The following DCDC2 variants were observed in gnomAD, a reference collection of about 807,000 sequenced individuals.
DCDC2 encodes doublecortin domain containing 2, also known as doublecortin domain-containing protein 2.
Under a neutral mutation model 50.2 loss-of-function variants are expected in DCDC2, and 40 were observed. The observed-to-expected ratio is 0.80, with a 90% confidence interval of 0.62 to 1.04. DCDC2 has a LOEUF of 1.04. Among genes scored for constraint, DCDC2 ranks in the 50% least tolerant of loss-of-function variants. DCDC2 has a pLI of 0.00. For synonymous variants in DCDC2, 234 were observed against 210.6 expected, an observed-to-expected ratio of 1.11 and a Z score of -0.96; for missense variants, 570 against 581.9, an observed-to-expected ratio of 0.98 and a Z score of 0.21.
chr6:24,177,091 T>A (rs374933785), intron 9 of DCDC2, among the ~76,000 whole-genome samples: 2 of 152,228 alleles, frequency 1.3e-5, no homozygotes, highest in Non-Finnish European at 2.9e-5. Flanking sequence ...GAATTACACT[T>A]TGATTTCATT....
chr6:24,178,639 G>T lies in DCDC2; in HGVS notation c.1024-7C>A. On this transcript the variant is annotated splice_region_variant and splice_polypyrimidine_tract_variant and intron_variant, in intron 8 of 9. Transcript: ENST00000378454. ...CTACTATTTCTGCTGGCCTCTGATG[G>T]ATCAAAAGGAATAATGGATAAAAGT... The T allele has an allele frequency of 6.2e-7, 1 of 1,607,920 alleles. No individual in the cohort carries two copies. Among genetic ancestry groups the T allele is most frequent in the Non-Finnish European group, 8.5e-7 (1 of 1,178,008 alleles).
intron 7 of DCDC2, among the ~76,000 whole-genome samples, chr6:24,248,618 G>T (rs1474193179): frequency 1.3e-5 from 2 of 152,096 alleles, no homozygotes; most frequent in African/African-American, 4.8e-5. Flanking sequence ...CTTTGGAATA[G>T]TAAGATACTA....
Position 24,278,361 on chromosome 6 carries a change from C to T in DCDC2, c.760-150G>A. 1.5e-5 allele frequency: 9 copies of T among 612,580 alleles called. No homozygotes were observed. The South Asian group carries it at 2.6e-4, about 18-fold the overall frequency. The allele number at this position is 612,580 out of a possible 1,614,324, so 37.9% of individuals were successfully genotyped here. ...GCAACTGTCTATCTTTATACATTAA[C>T]TCCAAATGTATCTTCCTGGAGGCAA... On this transcript the variant is annotated intron_variant, in intron 6 of 9. Coordinates refer to ENST00000378454, the MANE Select transcript of DCDC2 (RefSeq NM_016356.5).
intron 7 of DCDC2, among the ~76,000 whole-genome samples, chr6:24,219,872 T>A (rs1445146655): frequency 6.6e-6 from 1 of 152,022 alleles, no homozygotes; most frequent in Non-Finnish European, 1.5e-5. Flanking sequence ...GGTGAAGGAG[T>A]ACAGAGGGTG....
chr6:24,381,959 A>AG, the DCDC2 span, among the ~76,000 whole-genome samples: 619 of 103,694 alleles, frequency 6.0e-3, 8 homozygotes, highest in African/African-American at 0.018. Context: ...AAGGAAAGAA[A>AG]GAAGGAAGGA....
rs576316458 is a variant in DCDC2, at chr6:24,331,057, T to C, written c.348+22512A>G. Among the ~76,000 whole-genome samples, 3 of 152,174 alleles carry C rather than the reference T, an allele frequency of 2.0e-5. No individual in the cohort carries two copies. In the South Asian group the frequency reaches 6.2e-4, roughly 32 times the overall value. ...ATAAAGATATATATTTGCTTTCTTT[T>C]GTTTCCAGCTCTTCCTGGCATCTTC... is the stretch of plus-strand genomic sequence containing the variant. On this transcript the variant is annotated intron_variant, in intron 2 of 9. Coordinates refer to ENST00000378454, the MANE Select transcript of DCDC2 (RefSeq NM_016356.5).
chr6:24,319,190 G>C (rs1251255568), intron 2 of DCDC2, among the ~76,000 whole-genome samples: 3 of 151,898 alleles, frequency 2.0e-5, no homozygotes, highest in Non-Finnish European at 4.4e-5. Flanking sequence ...CAGTGACGTT[G>C]AGCAGTTTTT....
At chr6:24,269,383 G>A (rs1056099330) in intron 7 of DCDC2, among the ~76,000 whole-genome samples, 1 of 152,234 alleles carries the variant, frequency 6.6e-6, no homozygotes, top group South Asian at 2.1e-4. Flanking sequence ...GGCATTTAGG[G>A]ATAGTGAATA....
intron 2 of DCDC2, among the ~76,000 whole-genome samples, chr6:24,342,598 G>A (rs924194651): frequency 2.0e-5 from 3 of 151,834 alleles, no homozygotes; most frequent in Non-Finnish European, 4.4e-5. Flanking sequence ...GCATACAACC[G>A]AAATGTGCAA....
chr6:24,278,160 G>A lies in DCDC2; in HGVS notation c.811C>T (p.Pro271Ser), dbSNP rs960125951. 3.1e-6 allele frequency: 5 copies of A among 1,613,724 alleles called. No homozygotes were observed. Among genetic ancestry groups the A allele is most frequent in the African/African-American group, 2.7e-5 (2 of 74,880 alleles). The stretch of plus-strand genomic sequence containing the variant: ...TTCCCTTTCCTCTTCAGGGGCTGAG[G>A]AGATGAGTTGTCACTGGATCCAACT... ...STVGSSDNSS[P>S]QPLKRKGKKE... Residue 271 changes from proline (P) to serine (S), a missense_variant, in exon 7 of 10, where the codon CCT becomes TCT. By Grantham distance (74) the Pro-to-Ser change is moderately conservative (BLOSUM62 -1). Coordinates refer to ENST00000378454, the MANE Select transcript of DCDC2 (RefSeq NM_016356.5).
At chr6:24,182,997 A>G (rs1017367376) in intron 8 of DCDC2, among the ~76,000 whole-genome samples, 2 of 152,244 alleles carry the variant, frequency 1.3e-5, no homozygotes, top group Non-Finnish European at 2.9e-5. Context: ...ATTCTGATGC[A>G]AAATGCATGA....
chr6:24,188,952 C>T (rs897526453), intron 8 of DCDC2, among the ~76,000 whole-genome samples: 6 of 151,720 alleles, frequency 4.0e-5, no homozygotes, highest in Non-Finnish European at 5.9e-5. Flanking sequence ...AATATATGTA[C>T]GATTACAGAC....
chr6:24,260,279 C>G (rs917924272), intron 7 of DCDC2, among the ~76,000 whole-genome samples: 2 of 152,138 alleles, frequency 1.3e-5, no homozygotes, highest in African/African-American at 4.8e-5. Context: ...CCGGTTCCCA[C>G]CTCTCATCTC....
chr6:24,257,463 G>A, intron 7 of DCDC2, among the ~76,000 whole-genome samples: 1 of 152,142 alleles, frequency 6.6e-6, no homozygotes, highest in East Asian at 1.9e-4. Flanking sequence ...ACCTGCTGTT[G>A]TAATACACCT....
chr6:24,324,967 A>G (rs956700424), intron 2 of DCDC2, among the ~76,000 whole-genome samples: 1 of 152,140 alleles, frequency 6.6e-6, no homozygotes, highest in Non-Finnish European at 1.5e-5. Flanking sequence ...AAATAGTTCA[A>G]CTACATCAAA....
intron 7 of DCDC2, among the ~76,000 whole-genome samples, chr6:24,261,479 G>A (rs534152018): frequency 5.4e-4 from 82 of 152,036 alleles, no homozygotes; most frequent in African/African-American, 1.9e-3. Flanking sequence ...GGAGTGCCAG[G>A]GAGGTAATTC....
chr6:24,358,889 T>A (rs9689849), upstream of DCDC2, among the ~76,000 whole-genome samples: 453 of 17,966 alleles, frequency 0.025, 29 homozygotes, highest in African/African-American at 0.14. Flanking sequence ...TTATATATAT[T>A]TATATATATA....
intron 7 of DCDC2, among the ~76,000 whole-genome samples, chr6:24,219,912 T>C (rs1202000096): frequency 6.6e-6 from 1 of 152,156 alleles, no homozygotes; most frequent in Non-Finnish European, 1.5e-5. Flanking sequence ...ACACTTTCTA[T>C]CAAAACCAGA....
chr6:24,359,514 A>T (rs1182258723), upstream of DCDC2, among the ~76,000 whole-genome samples: 27 of 100,640 alleles, frequency 2.7e-4, no homozygotes, highest in African/African-American at 1.0e-3. Context: ...TTTATATATT[A>T]TATATATTTT....
Sources: allele counts gnomAD v4.1 joint callset (sites outside exome capture counted in the v4.1 genomes callset), GRCh38; gene constraint gnomAD v4.1.1; transcripts MANE v1.5; gene names NCBI Gene and HGNC (gene_info 2026-07-23, HGNC 2026-07-21).